Variants in SRL observed in about 807,000 individuals in gnomAD.
The protein encoded by SRL is sarcalumenin.
A neutral mutation model predicts 39.5 loss-of-function variants in SRL; 23 were observed. The observed-to-expected ratio is 0.58, with a 90% CI of 0.42 to 0.82. The LOEUF (loss-of-function observed/expected upper bound fraction) is 0.82, where lower values mean the gene tolerates loss of function less well. Among genes scored for constraint, SRL ranks in the 40% least tolerant of loss-of-function variants. The probability of loss-of-function intolerance (pLI) is 0.00; values close to 1 mark genes in which losing one functional copy is unlikely to be tolerated. For synonymous variants in SRL, 272 were observed against 237.4 expected (o/e 1.15, Z -1.34); for missense variants, 592 against 607.8 (o/e 0.97, Z 0.27).
At chr16:4,207,046 C>T (rs991252951) in intron 1 of SRL, 12 of 453,210 alleles carry the variant, frequency 2.6e-5, no homozygotes, top group Non-Finnish European at 4.4e-5. Flanking sequence ...TCCTCGGCTT[C>T]CTGCAGATCC....
intron 1 of SRL, among the ~76,000 whole-genome samples, chr16:4,231,499 G>A (rs542176652): frequency 6.6e-6 from 1 of 152,066 alleles, no homozygotes; most frequent in Non-Finnish European, 1.5e-5. Context: ...TCACCATCCT[G>A]GGGCCCACAT....
chr16:4,227,481 T>A (rs1213119396), intron 1 of SRL, among the ~76,000 whole-genome samples: 4 of 149,800 alleles, frequency 2.7e-5, no homozygotes, highest in Non-Finnish European at 5.9e-5. Flanking sequence ...GGTGGATGAA[T>A]GGATAGATGA....
At position 4,192,376 on chromosome 16, in the gene SRL, G is replaced by T; in HGVS notation, c.1199C>A (p.Ala400Asp). Residue 400 changes from alanine to aspartate, a missense_variant, in exon 6 of 6, where the codon GCC becomes GAC. Transcript: ENST00000399609. This position sits in a 1 kb window ranked among gnomAD's most constrained non-coding sequence, Gnocchi z 4.0. ...VSKFDLPNRE[A>D]YKDFFGINPI... ...ATTGATGCCGAAGAAGTCCTTATAG[G>T]CCTCGCGGTTGGGAAGGTCAAATTT... The T allele has an allele frequency of 6.2e-7, 1 of 1,614,176 alleles. No homozygotes were observed. The highest frequency in any genetic ancestry group is 8.5e-7 in the Non-Finnish European group (1 of 1,180,032).
chr16:4,242,000 G>T lies in SRL; in HGVS notation c.61+7C>A. ...TCTGGGCTGGGTCATGCTGGGAGGG[G>T]CCCTACCTGCTTGTCCTGAGAACAG... On this transcript the variant is annotated splice_region_variant and intron_variant, in intron 1 of 5. Transcript: ENST00000399609. The T allele has an allele frequency of 6.2e-7, 1 of 1,613,754 alleles. No individual in the cohort carries two copies. The highest frequency in any genetic ancestry group is 8.5e-7 in the Non-Finnish European group (1 of 1,179,928).
intron 1 of SRL, among the ~76,000 whole-genome samples, chr16:4,222,052 C>G (rs1048168974): frequency 6.6e-6 from 1 of 152,184 alleles, no homozygotes; most frequent in African/African-American, 2.4e-5. Flanking sequence ...AGGACTTCAA[C>G]ACATCCTTTT....
chr16:4,227,295 T>C (rs111208288), intron 1 of SRL, among the ~76,000 whole-genome samples: 74 of 148,260 alleles, frequency 5.0e-4, no homozygotes, highest in Admixed American at 8.0e-4. Flanking sequence ...GATAAATGGA[T>C]GGATGACGGA....
chr16:4,230,122 C>G (rs575698118), intron 1 of SRL, among the ~76,000 whole-genome samples: 1 of 152,110 alleles, frequency 6.6e-6, no homozygotes, highest in Non-Finnish European at 1.5e-5. Flanking sequence ...CACCCTCCTA[C>G]CTACCACCAC....
At chr16:4,221,180 A>C (rs62037573) in intron 1 of SRL, among the ~76,000 whole-genome samples, 84,895 of 151,354 alleles carry the variant, frequency 0.56, 24,557 homozygotes, top group Middle Eastern at 0.71. Flanking sequence ...TCCTGAGTAG[A>C]TGGGACTACA....
At chr16:4,209,198 G>C (rs754385396) in intron 1 of SRL, among the ~76,000 whole-genome samples, 1 of 152,050 alleles carries the variant, frequency 6.6e-6, no homozygotes, top group African/African-American at 2.4e-5. Flanking sequence ...GACTTGAACC[G>C]GGAGGTGGAG....
At chr16:4,227,800 C>T (rs929325127) in intron 1 of SRL, among the ~76,000 whole-genome samples, 6 of 152,190 alleles carry the variant, frequency 3.9e-5, no homozygotes, top group South Asian at 2.1e-4. Flanking sequence ...CTTTCCACAC[C>T]TTTCATCATG....
rs948819823 is a variant in SRL at position 4,191,768 on chromosome 16, G to C, written c.*385C>G. The C allele has an allele frequency of 5.4e-6, 1 of 184,160 alleles. No individual in the cohort carries two copies. Among genetic ancestry groups the C allele is most frequent in the Non-Finnish European group, 1.1e-5 (1 of 89,024 alleles). The allele number at this position is 184,160 out of a possible 1,614,324, so 11.4% of individuals were successfully genotyped here. A position where few individuals can be genotyped will look rare whatever the true frequency, so the allele number is the denominator to read the frequency against. ...TGGACCTGACAATCTCTACGACTCA[G>C]GCCTTCGCTGTTTTCCCAGCTCACA... On this transcript the variant is annotated 3_prime_UTR_variant, in exon 6 of 6. Transcript: ENST00000399609.
chr16:4,194,035 A>G (rs75307024), intron 5 of SRL, among the ~76,000 whole-genome samples: 1,963 of 152,160 alleles, frequency 0.013, 44 homozygotes, highest in African/African-American at 0.044. Context: ...TATAACCACA[A>G]TTGGAGTTGT....
At chr16:4,202,472 A>G (rs1341954657) in intron 3 of SRL, among the ~76,000 whole-genome samples, 2 of 152,070 alleles carry the variant, frequency 1.3e-5, no homozygotes, top group Admixed American at 6.5e-5. Flanking sequence ...AGGTGCCTGT[A>G]GTCCCAGCTA....
chr16:4,200,201 C>A (rs1475046213), intron 3 of SRL, among the ~76,000 whole-genome samples: 4 of 152,218 alleles, frequency 2.6e-5, no homozygotes, highest in African/African-American at 9.6e-5. Context: ...ACACTCACAT[C>A]TCTGTGGAAG....
rs544646149 is a variant in SRL at position 4,192,028 on chromosome 16, C to A, written c.*125G>T. ...TGCCCCGACCCCTGGCCTCAATGAA[C>A]TCCCAACTCTCCACTGTGTAATAAT... On this transcript the variant is annotated 3_prime_UTR_variant, in exon 6 of 6. Coordinates refer to ENST00000399609, the MANE Select transcript of SRL (RefSeq NM_001098814.2). This position sits in a 1 kb window ranked among gnomAD's most constrained non-coding sequence, Gnocchi z 4.0. 7.1e-6 allele frequency: 8 copies of A among 1,125,148 alleles called. No homozygotes were observed. The African/African-American group carries it at 1.1e-4, about 15-fold the overall frequency. 69.7% of individuals were successfully genotyped at this position (1,125,148 alleles called of 1,614,324 possible).
chr16:4,223,530 T>C (rs1384488289), intron 1 of SRL, among the ~76,000 whole-genome samples: 1 of 151,560 alleles, frequency 6.6e-6, no homozygotes, highest in African/African-American at 2.4e-5. Context: ...GTGCATGCCA[T>C]CATATCTGGC....
intron 1 of SRL, among the ~76,000 whole-genome samples, chr16:4,225,279 C>T (rs770955033): frequency 1.6e-4 from 24 of 152,052 alleles, no homozygotes; most frequent in Non-Finnish European, 2.6e-4. Flanking sequence ...TCTCAATAAA[C>T]CTGTTTTCAA....
intron 1 of SRL, among the ~76,000 whole-genome samples, chr16:4,227,034 TGATG>T (rs1262929606): frequency 1.1e-5 from 1 of 92,454 alleles, no homozygotes; most frequent in African/African-American, 4.9e-5. Context: ...AAGAATGGAC[TGATG>T]GATGGATGGA....
intron 1 of SRL, among the ~76,000 whole-genome samples, chr16:4,237,727 G>A (rs2052727988): frequency 1.3e-5 from 2 of 152,108 alleles, no homozygotes; most frequent in South Asian, 2.1e-4. Context: ...CTGGCACCGT[G>A]AGTTTGCTCA....
Sources: gnomAD v4.1 joint callset for allele counts (sites outside exome capture counted in the v4.1 genomes callset) on GRCh38, gnomAD v4.1.1 for gene constraint, Gnocchi (gnomAD v3.1) non-coding constraint, MANE v1.5 for transcripts, NCBI Gene and HGNC (gene_info 2026-07-23, HGNC 2026-07-21) for gene names.